The following DNAH17 variants were observed in gnomAD, a reference collection of about 807,000 sequenced individuals.
DNAH17 encodes dynein axonemal heavy chain 17.
Under a neutral mutation model 485.6 loss-of-function variants are expected in DNAH17, and 376 were observed. That is an observed-to-expected ratio of 0.77 (90% CI 0.71 to 0.84). DNAH17 has a LOEUF of 0.84. DNAH17 is among the 40% of genes least tolerant of loss of function. DNAH17 has a pLI of 0.00. For missense variants in DNAH17, 6,370 were observed against 5,839.3 expected (o/e 1.09, Z -2.96); for synonymous variants, 3,031 against 2,405.9 (o/e 1.26, Z -7.60).
chr17:78,450,321 G>A lies in DNAH17; in HGVS notation c.10973C>T (p.Ala3658Val). ...GTTCAGTATGAAGTAGAGCAGAGAT[G>A]CCCTCTCCGCAGCCGGGCGGTAGTT... ...RENYRPAAER[A>V]SLLYFILNDL... The change falls in exon 68 of 81, where the codon GCA (alanine) becomes GTA (valine). Residue 3658 changes from alanine (A) to valine (V), a missense_variant. Ala to Val is a moderately conservative substitution (Grantham distance 64, BLOSUM62 0). Coordinates refer to ENST00000389840, the MANE Select transcript of DNAH17 (RefSeq NM_173628.4). 1 of 1,613,994 alleles carries A rather than the reference G, an allele frequency of 6.2e-7. No homozygotes were observed. Among genetic ancestry groups the A allele is most frequent in the Non-Finnish European group, 8.5e-7 (1 of 1,179,862 alleles).
chr17:78,468,743 C>G lies in DNAH17; in HGVS notation c.8652G>C (p.Leu2884=), dbSNP rs1267768746. 1 of 1,614,074 alleles carries G rather than the reference C, an allele frequency of 6.2e-7. No homozygotes were observed. Among genetic ancestry groups the G allele is most frequent in the African/African-American group, 1.3e-5 (1 of 75,064 alleles). Residue 2884 remains leucine (L), a synonymous_variant, in exon 55 of 81, where the codon CTG becomes CTC. Transcript: ENST00000389840. ...TGTTCTCCACCTCGTCCTCCATAAA[C>G]AGCCCAGGGATCTCTCCTGAGGCCA... ...DLLASGEIPG[L]FMEDEVENII...
intron 47 of DNAH17, among the ~76,000 whole-genome samples, chr17:78,485,323 C>T (rs1048388287): frequency 9.0e-6 from 1 of 111,268 alleles, no homozygotes; most frequent in Non-Finnish European, 2.2e-5. Flanking sequence ...CTCGACTGGC[C>T]ATCAAAACCC....
At chr17:78,438,438 A>AG (rs1555651757) in intron 73 of DNAH17, among the ~76,000 whole-genome samples, 4 of 75,026 alleles carry the variant, frequency 5.3e-5, no homozygotes, top group South Asian at 5.8e-4. Flanking sequence ...GAGGAGGAGG[A>AG]GGAGGAGGGA....
intron 48 of DNAH17, 129 bp downstream of exon 48, chr17:78,484,739 A>ACCCCCCGGCCCCCC: frequency 5.8e-6 from 2 of 347,798 alleles, no homozygotes; most frequent in Non-Finnish European, 9.1e-6. Context: ...ACGTTGCAGC[A>ACCCCCCGGCCCCCC]CCCCCCCCAC....
At chr17:78,491,670 TC>T in intron 42 of DNAH17, 100 bp from the exon 43 acceptor site, 1 of 1,480,952 alleles carries the variant, frequency 6.8e-7, no homozygotes, top group Non-Finnish European at 9.0e-7. Context: ...AGGGAGCCTG[TC>T]CCCTACTTCA....
chr17:78,502,473 T>C (rs1244891199), intron 33 of DNAH17, 118 bp downstream of exon 33: 1 of 991,110 alleles, frequency 1.0e-6, no homozygotes, highest in African/African-American at 1.6e-5. Context: ...GGGCTCAGCC[T>C]CCGAGAAGAA....
chr17:78,494,467 AG>A, intron 40 of DNAH17, 125 bp downstream of exon 40: 2 of 1,133,720 alleles, frequency 1.8e-6, no homozygotes, highest in African/African-American at 3.1e-5. Flanking sequence ...TGTGGCTCAG[AG>A]GTCTCTTTGT....
At position 78,506,766 on chromosome 17, in the gene DNAH17, G is replaced by A. The variant is rs763860101; in HGVS notation, c.4757C>T (p.Ser1586Leu). The A allele has an allele frequency of 1.1e-5, 17 of 1,613,862 alleles. No individual in the cohort carries two copies. Among genetic ancestry groups the A allele is most frequent in the Admixed American group, 5.0e-5 (3 of 60,004 alleles). Reference protein sequence around the residue: ...LAFPRFYFVSSADLLDILSNG... With the variant: ...LAFPRFYFVSLADLLDILSNG... ...GGAGAGAATGTCCAGGAGGTCAGCC[G>A]AGGAGACAAAATAGAACCGGGGGAA... Residue 1586 changes from serine to leucine, a missense_variant, in exon 30 of 81, where the codon TCG becomes TTG. Coordinates refer to ENST00000389840, the MANE Select transcript of DNAH17 (RefSeq NM_173628.4).
At chr17:78,445,985 A>C (rs926117953) in intron 69 of DNAH17, among the ~76,000 whole-genome samples, 2 of 151,986 alleles carry the variant, frequency 1.3e-5, no homozygotes, top group Non-Finnish European at 2.9e-5. Context: ...CAGCCTGGCC[A>C]ACATGGTGAA....
intron 69 of DNAH17, 94 bp from the exon 70 acceptor site, chr17:78,445,774 CCCGG>C: frequency 7.0e-7 from 1 of 1,429,806 alleles, no homozygotes; most frequent in Non-Finnish European, 9.5e-7. Context: ...AGTTCACACT[CCCGG>C]CCTGCAGGGG....
rs61738715 is a variant in DNAH17 at position 78,532,638 on chromosome 17, G to T, written c.2958C>A (p.Ser986=). The T allele has an allele frequency of 1.6e-3, 2,609 of 1,600,998 alleles. 9 individuals are homozygous for T. The highest frequency in any genetic ancestry group is 1.7e-3 in the Non-Finnish European group (1,991 of 1,173,280). The change falls in exon 20 of 81, where the codon TCC becomes TCA. Residue 986 remains serine, a synonymous_variant. Transcript: ENST00000389840. The part of the protein sequence containing the change: ...AMKEAEEYQD[S]FERYSYLWTD... ...TCCAGAGGTAGGAGTACCTCTCAAA[G>T]GAATCCTGGTACTCCTCGGCCTCCT...
chr17:78,530,014 T>C (rs556560112), intron 21 of DNAH17, among the ~76,000 whole-genome samples: 22 of 152,354 alleles, frequency 1.4e-4, no homozygotes, highest in African/African-American at 5.0e-4. Context: ...GTGCCCATCA[T>C]GGCCCTGATG....
In DNAH17 at chr17:78,500,443, G is replaced by A. The variant is rs182475959; in HGVS notation, c.5502C>T (p.Thr1834=). Reference sequence around the variant, plus strand: ...CACCCATGATGAGATGGAGGGACTGGGTCAGGGTGATATAGCACCTGCAAG... The same window carrying A: ...CACCCATGATGAGATGGAGGGACTGAGTCAGGGTGATATAGCACCTGCAAG... ...PLTDRCYITL[T]QSLHLIMGGA... is the part of the protein sequence containing the mutation. The change falls in exon 36 of 81, where the codon ACC becomes ACT. Residue 1834 remains threonine, a synonymous_variant. Transcript: ENST00000389840. The A allele has an allele frequency of 6.3e-7, 1 of 1,596,066 alleles. No individual in the cohort carries two copies. The highest frequency in any genetic ancestry group is 1.1e-5 in the South Asian group (1 of 88,640).
At chr17:78,458,873 A>G (rs2087941903) in intron 61 of DNAH17, 128 bp downstream of exon 61, 1 of 1,154,690 alleles carries the variant, frequency 8.7e-7, no homozygotes, top group Non-Finnish European at 1.3e-6. Context: ...CTCTGCCTGC[A>G]TCCTCTTGCA....
chr17:78,504,715 G>C (rs1045614444), intron 31 of DNAH17, among the ~76,000 whole-genome samples: 1 of 152,156 alleles, frequency 6.6e-6, no homozygotes, highest in Non-Finnish European at 1.5e-5. Context: ...AGCCCGCCCT[G>C]AGCCGGGGGA....
rs2092276047 is a variant in DNAH17 at position 78,566,884 on chromosome 17, G to A, written c.1452+115C>T. On this transcript the variant is annotated intron_variant, in intron 10 of 80. Transcript: ENST00000389840. ...GCTCTACACAGTTTTCAAAGTGTTG[G>A]GATCACCTGGCACCTGCTTCCTCCG... The A allele has an allele frequency of 2.9e-6, 4 of 1,374,894 alleles. No individual in the cohort carries two copies. The Admixed American group carries it at 7.1e-5, about 24-fold the overall frequency. The allele number at this position is 1,374,894 out of a possible 1,614,324, so 85.2% of individuals were successfully genotyped here. A position where few individuals can be genotyped will look rare whatever the true frequency, so the allele number is the denominator to read the frequency against.
rs76464414 is a variant in DNAH17, at chr17:78,535,752, A to T, written c.2859+1547T>A. Among the ~76,000 whole-genome samples, 368 of 152,264 alleles carry T rather than the reference A, an allele frequency of 2.4e-3. 2 individuals carry two copies. Among genetic ancestry groups the T allele is most frequent in the Admixed American group, 3.2e-3 (49 of 15,294 alleles). ...GATTTTTGCTTGTTTAAGCAAATGA[A>T]ACCATATTCTAAACATTGTTCTGTA... On this transcript the variant is annotated intron_variant, in intron 19 of 80. Coordinates refer to ENST00000389840, the MANE Select transcript of DNAH17 (RefSeq NM_173628.4).
At chr17:78,548,349 C>T (rs532455550) in intron 16 of DNAH17, among the ~76,000 whole-genome samples, 100 of 151,544 alleles carry the variant, frequency 6.6e-4, no homozygotes, top group African/African-American at 1.8e-3. Context: ...GAACTACAGG[C>T]GCCCGCCACT....
intron 18 of DNAH17, among the ~76,000 whole-genome samples, chr17:78,539,237 T>C (rs2091458279): frequency 6.6e-6 from 1 of 151,288 alleles, no homozygotes; most frequent in African/African-American, 2.4e-5. Context: ...CTCAAAAAAA[T>C]AAAAAAATAA....
Sources: allele counts gnomAD v4.1 joint callset (sites outside exome capture counted in the v4.1 genomes callset), GRCh38; gene constraint gnomAD v4.1.1; transcripts MANE v1.5; gene names NCBI Gene and HGNC (gene_info 2026-07-23, HGNC 2026-07-21).